Variants in CSMD1 observed in about 807,000 individuals in gnomAD.
The protein encoded by CSMD1 is CUB and Sushi multiple domains 1, also known as CUB and sushi domain-containing protein 1.
In CSMD1, 213 loss-of-function variants were observed where a neutral mutation model predicts 417.5. The observed-to-expected ratio is 0.51, with a 90% CI of 0.46 to 0.57. CSMD1 has a LOEUF of 0.57. Among genes scored for constraint, CSMD1 ranks in the 20% least tolerant of loss-of-function variants. The pLI is 0.00. For synonymous variants in CSMD1, 2,862 were observed against 1,736.8 expected (o/e 1.65, Z -16.11); for missense variants, 6,923 against 4,529.7 (o/e 1.53, Z -15.17).
At chr8:3,398,012 C>T (rs150868050) in intron 16 of CSMD1, among the ~76,000 whole-genome samples, 2,023 of 152,236 alleles carry the variant, frequency 0.013, 21 homozygotes, top group Non-Finnish European at 0.021. Context: ...TCAGAAATAT[C>T]GGGTATTTCC....
At chr8:3,681,297 C>G (rs1462280735) in intron 7 of CSMD1, among the ~76,000 whole-genome samples, 1 of 152,204 alleles carries the variant, frequency 6.6e-6, no homozygotes, top group African/African-American at 2.4e-5. Flanking sequence ...ACCCCATCAT[C>G]TCAGCACAAA....
chr8:4,696,634 T>C (rs534465656), intron 1 of CSMD1, among the ~76,000 whole-genome samples: 1 of 152,318 alleles, frequency 6.6e-6, no homozygotes, highest in Non-Finnish European at 1.5e-5. Context: ...TATTTCATAC[T>C]TTTTTCATTT....
intron 3 of CSMD1, among the ~76,000 whole-genome samples, chr8:4,338,540 C>G (rs538475509): frequency 2.0e-5 from 3 of 152,000 alleles, no homozygotes; most frequent in Admixed American, 1.3e-4. Flanking sequence ...TTCTAGTTTA[C>G]TCTATTTTCA....
intron 3 of CSMD1, among the ~76,000 whole-genome samples, chr8:4,317,614 AG>A (rs1799010433): frequency 3.5e-3 from 1 of 284 alleles, no homozygotes; most frequent in Non-Finnish European, 7.9e-3. Flanking sequence ...GGAGAGAGAG[AG>A]AAAGAGAGAG....
intron 2 of CSMD1, among the ~76,000 whole-genome samples, chr8:4,531,519 C>T (rs1796816641): frequency 2.6e-5 from 4 of 152,110 alleles, no homozygotes; most frequent in Admixed American, 2.0e-4. Context: ...GCCCTACACA[C>T]CCCCAGAAGG....
chr8:3,410,710 G>A (rs1480937899), intron 12 of CSMD1, among the ~76,000 whole-genome samples: 1 of 152,112 alleles, frequency 6.6e-6, no homozygotes, highest in Non-Finnish European at 1.5e-5. Context: ...GACTAATACA[G>A]GGGTTATGTT....
chr8:3,634,282 C>A (rs901219702), intron 7 of CSMD1, among the ~76,000 whole-genome samples: 14 of 152,202 alleles, frequency 9.2e-5, no homozygotes, highest in African/African-American at 3.4e-4. Flanking sequence ...TATTGGAGCA[C>A]CCCTCTGGTA....
chr8:4,985,071 T>G lies in CSMD1; in HGVS notation c.85+9261A>C, dbSNP rs535912589. 4.6e-5 allele frequency among the ~76,000 whole-genome samples: 7 copies of G among 152,254 alleles called. No individual in the cohort carries two copies. In the South Asian group the frequency reaches 1.5e-3, roughly 32 times the overall value. ...ATCATGTCCTTTGCAGGGACGTGGG[T>G]GGAGCTGGAGGCCATTATCCTTATC... On this transcript the variant is annotated intron_variant, in intron 1 of 69. Coordinates refer to ENST00000635120, the MANE Select transcript of CSMD1 (RefSeq NM_033225.6).
chr8:4,686,712 G>A (rs1293674820), intron 1 of CSMD1, among the ~76,000 whole-genome samples: 1 of 152,134 alleles, frequency 6.6e-6, no homozygotes, highest in Non-Finnish European at 1.5e-5. Context: ...AAATTTGTAG[G>A]CTTTTAACTA....
chr8:3,447,604 T>C (rs1468133201), intron 12 of CSMD1, among the ~76,000 whole-genome samples: 1 of 152,200 alleles, frequency 6.6e-6, no homozygotes, highest in Non-Finnish European at 1.5e-5. Flanking sequence ...GATTAGCCCC[T>C]GCACATGTGA....
At chr8:4,818,454 A>G (rs932030264) in intron 1 of CSMD1, among the ~76,000 whole-genome samples, 2 of 152,186 alleles carry the variant, frequency 1.3e-5, no homozygotes, top group African/African-American at 4.8e-5. Flanking sequence ...CAGTAAATCC[A>G]AACTTAAATT....
At position 3,743,282 on chromosome 8, in the gene CSMD1, G is replaced by A. The variant is rs190514862; in HGVS notation, c.931+10648C>T. Among the ~76,000 whole-genome samples the A allele has an allele frequency of 2.6e-3, 393 of 152,296 alleles. 4 individuals are homozygous for A. Among genetic ancestry groups the A allele is most frequent in the African/African-American group, 7.2e-3 (301 of 41,564 alleles). On this transcript the variant is annotated intron_variant, in intron 6 of 69. Transcript: ENST00000635120. ...AGGAATTATTCAAGGAACATGAAGC[G>A]AATTCTGCCTCTCTGGAGATGGCTT...
At chr8:4,241,967 G>A (rs1802432265) in intron 3 of CSMD1, among the ~76,000 whole-genome samples, 1 of 152,128 alleles carries the variant, frequency 6.6e-6, no homozygotes, top group South Asian at 2.1e-4. Context: ...GTTTTCAAAC[G>A]GATTAACATG....
At chr8:3,986,499 G>A (rs538071734) in intron 5 of CSMD1, among the ~76,000 whole-genome samples, 1 of 152,132 alleles carries the variant, frequency 6.6e-6, no homozygotes, top group African/African-American at 2.4e-5. Flanking sequence ...GCTACCAAAA[G>A]CAAGATCCTT....
chr8:4,014,270 A>G (rs1006972374), intron 4 of CSMD1, among the ~76,000 whole-genome samples: 2 of 152,234 alleles, frequency 1.3e-5, no homozygotes, highest in African/African-American at 4.8e-5. Context: ...CTATATGTAC[A>G]GAGACACTAA....
chr8:3,317,502 T>A (rs1032077714), intron 23 of CSMD1, among the ~76,000 whole-genome samples: 2 of 152,200 alleles, frequency 1.3e-5, no homozygotes, highest in Non-Finnish European at 1.5e-5. Context: ...TTTTTCCCAA[T>A]TAAGTGTTTG....
intron 1 of CSMD1, among the ~76,000 whole-genome samples, chr8:4,812,742 A>C (rs751917067): frequency 6.6e-6 from 1 of 152,202 alleles, no homozygotes; most frequent in Non-Finnish European, 1.5e-5. Flanking sequence ...TTCTTCACAA[A>C]GCATCTGGAA....
chr8:4,054,462 A>G lies in CSMD1; in HGVS notation c.416-22363T>C, dbSNP rs922014707. Among the ~76,000 whole-genome samples the G allele has an allele frequency of 2.0e-5, 3 of 152,146 alleles. No individual in the cohort carries two copies. The South Asian group carries it at 6.2e-4, about 32-fold the overall frequency. ...ATGGGAGAGAAGCAAACTTCTTCTT[A>G]GCAAGAACGACTGCATTTTGGAAGC... is the stretch of plus-strand genomic sequence containing the variant. On this transcript the variant is annotated intron_variant, in intron 3 of 69. Coordinates refer to ENST00000635120, the MANE Select transcript of CSMD1 (RefSeq NM_033225.6).
At chr8:4,632,484 C>T (rs1802580277) in intron 2 of CSMD1, among the ~76,000 whole-genome samples, 1 of 152,082 alleles carries the variant, frequency 6.6e-6, no homozygotes, top group African/African-American at 2.4e-5. Flanking sequence ...TGCACTCCAG[C>T]CTGGGTGACA....
Sources: allele counts gnomAD v4.1 joint callset (sites outside exome capture counted in the v4.1 genomes callset), GRCh38; gene constraint gnomAD v4.1.1; transcripts MANE v1.5; gene names NCBI Gene and HGNC (gene_info 2026-07-23, HGNC 2026-07-21).